Variants in CNOT7 observed in about 807,000 individuals in gnomAD.
The protein encoded by CNOT7 is CCR4-NOT transcription complex subunit 7.
Under a neutral mutation model 37.1 loss-of-function variants are expected in CNOT7, and 4 were observed. The ratio of observed to expected loss-of-function variants is 0.11; its 90% CI spans 0.05 to 0.25. The LOEUF is 0.25. Among genes scored for constraint, CNOT7 ranks in the 10% least tolerant of loss-of-function variants. The pLI is 1.00. For missense variants in CNOT7, 170 were observed against 336.2 expected (o/e 0.51, Z 3.87); for synonymous variants, 128 against 115.6 (o/e 1.11, Z -0.69).
chr8:17,234,525 C>T (rs868596827), intron 5 of CNOT7, 191 bp downstream of exon 5: 61 of 583,400 alleles, frequency 1.0e-4, no homozygotes, highest in African/African-American at 8.4e-4. Context: ...CCAAGACATA[C>T]TGAAGCTCTG....
chr8:17,237,445 C>A lies in CNOT7; in HGVS notation c.312-72G>T. 4 of 1,404,792 alleles carry A rather than the reference C, an allele frequency of 2.8e-6. No homozygotes were observed. In the Admixed American group the frequency reaches 7.1e-5, roughly 25 times the overall value. The allele number at this position is 1,404,792 out of a possible 1,614,324, so 87.0% of individuals were successfully genotyped here. On this transcript the variant is annotated intron_variant, in intron 3 of 6. Transcript: ENST00000361272. ...AAACAAGCTGTTCTTCTGCTTACAT[C>A]TATAACTACAGTGCCAGAAAAGAGA...
chr8:17,228,854 A>AAAAG lies in CNOT7; in HGVS notation c.*1862_*1865dup, dbSNP rs1448277424. On this transcript the variant is annotated 3_prime_UTR_variant, in exon 7 of 7. Transcript: ENST00000361272. ...TTTCTCAGCTAACAAATCACAAGCG[A>AAAAG]AAAGAAGCTTCACTTCCTTTTTAAC... The AAAAG allele has an allele frequency of 6.6e-6, 1 of 152,020 alleles. No homozygotes were observed. Among genetic ancestry groups the AAAAG allele is most frequent in the Non-Finnish European group, 1.5e-5 (1 of 67,890 alleles). 9.4% of individuals were successfully genotyped at this position (152,020 alleles called of 1,614,324 possible).
At chr8:17,245,587 ATTAC>A (rs1355233990) in intron 1 of CNOT7, among the ~76,000 whole-genome samples, 5 of 152,336 alleles carry the variant, frequency 3.3e-5, no homozygotes, top group South Asian at 4.1e-4. Flanking sequence ...AAAATGAAAA[ATTAC>A]TTATTTACAT....
intron 3 of CNOT7, 108 bp from the exon 4 acceptor site, chr8:17,237,481 G>T: frequency 1.0e-6 from 1 of 965,122 alleles, no homozygotes; most frequent in Non-Finnish European, 1.6e-6. Context: ...CAGAGGAATG[G>T]CTTGAGTCCA....
At chr8:17,241,888 T>C (rs745877143) in intron 3 of CNOT7, 1 of 152,198 alleles carries the variant, frequency 6.6e-6, no homozygotes, top group Non-Finnish European at 1.5e-5. Context: ...GTGAGCTATA[T>C]GTAAATTTAA....
intron 6 of CNOT7, among the ~76,000 whole-genome samples, chr8:17,231,109 G>A (rs968604089): frequency 2.6e-5 from 4 of 152,018 alleles, no homozygotes; most frequent in African/African-American, 9.7e-5. Context: ...ATTTTTATAA[G>A]AATTTTTCAT....
At chr8:17,231,802 T>C in intron 6 of CNOT7, 1 of 985,890 alleles carries the variant, frequency 1.0e-6, no homozygotes, top group Non-Finnish European at 1.2e-6. Context: ...CTCAAGGAAC[T>C]GATCTCTGCC....
chr8:17,232,618 C>A, intron 5 of CNOT7, 81 bp from the exon 6 acceptor site: 4 of 1,224,292 alleles, frequency 3.3e-6, no homozygotes, highest in South Asian at 1.4e-5. Flanking sequence ...TAGACGCTGA[C>A]CAAAATAAAA....
chr8:17,232,060 G>A (rs2904697), intron 6 of CNOT7: 921,854 of 1,030,558 alleles, frequency 0.89, 413,017 homozygotes, highest in Admixed American at 0.91. Context: ...TGCCTTGTAG[G>A]AGGAGCACCA....
chr8:17,235,925 C>T (rs1205725079), intron 4 of CNOT7, among the ~76,000 whole-genome samples: 1 of 152,036 alleles, frequency 6.6e-6, no homozygotes. Flanking sequence ...GTGCCTAGTG[C>T]ACTGTATTTT....
intron 3 of CNOT7, among the ~76,000 whole-genome samples, chr8:17,238,526 T>TC (rs777052603): frequency 6.4e-4 from 94 of 147,356 alleles, no homozygotes; most frequent in East Asian, 3.2e-3. Flanking sequence ...TTTTTTTTTT[T>TC]CCAGTGAAAC....
chr8:17,230,530 GT>G lies in CNOT7; in HGVS notation c.*189del, dbSNP rs71543685. The G allele has an allele frequency of 0.018, 5,713 of 324,080 alleles. 17 individuals are homozygous for G. The highest frequency in any genetic ancestry group is 0.018 in the Non-Finnish European group (3,172 of 180,360). 20.1% of individuals were successfully genotyped at this position (324,080 alleles called of 1,614,324 possible). On this transcript the variant is annotated 3_prime_UTR_variant, in exon 7 of 7. Coordinates refer to ENST00000361272, the MANE Select transcript of CNOT7 (RefSeq NM_013354.7). ...TTAAGGCCAAATTTAACCTGAATGC[GT>G]TTTTTTTTTTCTTTTTATTAAGATC...
chr8:17,239,053 T>C (rs141885412), intron 3 of CNOT7, among the ~76,000 whole-genome samples: 2 of 152,196 alleles, frequency 1.3e-5, no homozygotes, highest in Non-Finnish European at 2.9e-5. Flanking sequence ...AAACCACTAT[T>C]CTGTTGATTC....
rs1808282679 is a variant in CNOT7 at position 17,228,233 on chromosome 8, T to G, written c.*2487A>C. On this transcript the variant is annotated 3_prime_UTR_variant, in exon 7 of 7. Transcript: ENST00000361272. ...CGGGCCATAGTTTGACAACCCTTGCTCTAGTAGATTTAACAGAATATATGA... is the reference window on the plus strand; with the variant it reads ...CGGGCCATAGTTTGACAACCCTTGCGCTAGTAGATTTAACAGAATATATGA... 6.6e-6 allele frequency: 1 copy of G among 151,882 alleles called. No individual in the cohort carries two copies. Among genetic ancestry groups the G allele is most frequent in the South Asian group, 2.1e-4 (1 of 4,834 alleles). The allele number at this position is 151,882 out of a possible 1,614,324, so 9.4% of individuals were successfully genotyped here.
chr8:17,233,353 C>CTAAAAA (rs1192556327), intron 5 of CNOT7, among the ~76,000 whole-genome samples: 1 of 152,168 alleles, frequency 6.6e-6, no homozygotes. Context: ...TGCTTCTGCG[C>CTAAAAA]TAAAAATAGC....
At position 17,232,684 on chromosome 8, in the gene CNOT7, A is replaced by G. The variant is rs1808789044; in HGVS notation, c.619-147T>C. The G allele has an allele frequency of 4.6e-6, 3 of 652,628 alleles. No homozygotes were observed. The South Asian group carries it at 6.1e-5, about 13-fold the overall frequency. 40.4% of individuals were successfully genotyped at this position (652,628 alleles called of 1,614,324 possible). A position where few individuals can be genotyped will look rare whatever the true frequency, so the allele number is the denominator to read the frequency against. On this transcript the variant is annotated intron_variant, in intron 5 of 6. Coordinates refer to ENST00000361272, the MANE Select transcript of CNOT7 (RefSeq NM_013354.7). ...TAAAGATTGGGGGGAAGAAACAGAG[A>G]ATGTGAATTACTAATGTATTTGTTG...
rs1554472895 is a variant in CNOT7, at chr8:17,229,111, C to CTAA, written c.*1606_*1608dup. On this transcript the variant is annotated 3_prime_UTR_variant, in exon 7 of 7. Transcript: ENST00000361272. ...TCAGACTGATTTTTCAATTAATGGA[C>CTAA]TAATAATCATCTAGGGTTAATGAAG... 6.6e-6 allele frequency: 1 copy of CTAA among 151,836 alleles called. No homozygotes were observed. Among genetic ancestry groups the CTAA allele is most frequent in the Non-Finnish European group, 1.5e-5 (1 of 67,802 alleles). 9.4% of individuals were successfully genotyped at this position (151,836 alleles called of 1,614,324 possible).
chr8:17,241,222 T>A lies in CNOT7; in HGVS notation c.311+1770A>T, dbSNP rs1016748316. 5.3e-5 allele frequency: 8 copies of A among 151,962 alleles called. 1 individual carries two copies. Among genetic ancestry groups the A allele is most frequent in the Non-Finnish European group, 1.0e-4 (7 of 68,088 alleles). The allele number at this position is 151,962 out of a possible 1,614,324, so 9.4% of individuals were successfully genotyped here. ...CTGTAGTGCTAGCTACCTGTACCTGTACCTGTAGTGCTAGGACTACAGGTA... is the reference window on the plus strand; with the variant it reads ...CTGTAGTGCTAGCTACCTGTACCTGAACCTGTAGTGCTAGGACTACAGGTA... On this transcript the variant is annotated intron_variant, in intron 3 of 6. Transcript: ENST00000361272.
Position 17,226,055 on chromosome 8 carries a change from T to TTTTTG in CNOT7, c.*4664_*4665insCAAAA, listed in dbSNP as rs1808136803. On this transcript the variant is annotated 3_prime_UTR_variant, in exon 7 of 7. Coordinates refer to ENST00000361272, the MANE Select transcript of CNOT7 (RefSeq NM_013354.7). ...TTTTTTTTTTTTTTTTTTTTTTTTT[T>TTTTTG]GAAAAGGGCAGGTAGCAAATATTAG... 8.6e-6 allele frequency: 1 copy of TTTTTG among 116,720 alleles called. No individual in the cohort carries two copies. The highest frequency in any genetic ancestry group is 1.7e-5 in the Non-Finnish European group (1 of 57,144). The allele number at this position is 116,720 out of a possible 1,614,324, so 7.2% of individuals were successfully genotyped here. A position where few individuals can be genotyped will look rare whatever the true frequency, so the allele number is the denominator to read the frequency against.
Sources: allele counts gnomAD v4.1 joint callset (sites outside exome capture counted in the v4.1 genomes callset), GRCh38; gene constraint gnomAD v4.1.1; transcripts MANE v1.5; gene names NCBI Gene and HGNC (gene_info 2026-07-23, HGNC 2026-07-21).